The following SOX5 variants were observed in gnomAD, a reference collection of about 807,000 sequenced individuals.
SOX5 encodes the protein transcription factor SOX-5.
In SOX5, 9 loss-of-function variants were observed where a neutral mutation model predicts 92.0. That is an observed-to-expected ratio of 0.10 (90% confidence interval 0.06 to 0.17). The LOEUF (loss-of-function observed/expected upper bound fraction) is 0.17. Among genes scored for constraint, SOX5 ranks in the 10% least tolerant of loss-of-function variants. SOX5 has a pLI of 1.00. For missense variants in SOX5, 642 were observed against 944.5 expected (o/e 0.68, Z 4.20); for synonymous variants, 344 against 336.3 (o/e 1.02, Z -0.25).
At chr12:24,319,282 C>T (rs1002226447) in intron 2 of SOX5, among the ~76,000 whole-genome samples, 1 of 152,202 alleles carries the variant, frequency 6.6e-6, no homozygotes, top group Admixed American at 6.5e-5. Flanking sequence ...GACATATTCT[C>T]TCCCTTTCCC....
Position 23,825,096 on chromosome 12 carries a change from T to A in SOX5, c.481+20887A>T, listed in dbSNP as rs568104621. ...GCTTCAGCCCCCTTTCCAGGGGGAG[T>A]GAACGGTTCTGTCTCTCTGGCATTC... is the stretch of plus-strand genomic sequence containing the variant. On this transcript the variant is annotated intron_variant, in intron 3 of 14. Coordinates refer to ENST00000451604, the MANE Select transcript of SOX5 (RefSeq NM_006940.6). 1.3e-3 allele frequency among the ~76,000 whole-genome samples: 190 copies of A among 150,794 alleles called. 1 individual carries two copies. Among genetic ancestry groups the A allele is most frequent in the Non-Finnish European group, 2.3e-3 (155 of 67,684 alleles).
intron 10 of SOX5, among the ~76,000 whole-genome samples, chr12:23,564,025 GA>G (rs1946658305): frequency 6.6e-6 from 1 of 152,152 alleles, no homozygotes; most frequent in Non-Finnish European, 1.5e-5. Flanking sequence ...TTCAAGCACA[GA>G]ATGTAACCAA....
chr12:24,123,253 C>A (rs1948799008), intron 4 of SOX5, among the ~76,000 whole-genome samples: 1 of 151,984 alleles, frequency 6.6e-6, no homozygotes, highest in South Asian at 2.1e-4. Flanking sequence ...TTCTATCCAC[C>A]AATGCTAATA....
At chr12:24,175,559 T>C (rs139728485) in intron 4 of SOX5, among the ~76,000 whole-genome samples, 1 of 152,336 alleles carries the variant, frequency 6.6e-6, no homozygotes, top group African/African-American at 2.4e-5. Context: ...GGTTATAAAA[T>C]GCCACTTATA....
intron 3 of SOX5, among the ~76,000 whole-genome samples, chr12:23,801,704 A>G (rs2095662206): frequency 6.6e-6 from 1 of 152,182 alleles, no homozygotes; most frequent in Admixed American, 6.5e-5. Flanking sequence ...TTTTTCAGTT[A>G]AGTACTATTA....
At chr12:23,701,247 A>T (rs1298288211) in intron 6 of SOX5, among the ~76,000 whole-genome samples, 2 of 152,064 alleles carry the variant, frequency 1.3e-5, no homozygotes, top group African/African-American at 4.8e-5. Context: ...GTGTGCCAAT[A>T]TCTATGGCAC....
intron 3 of SOX5, among the ~76,000 whole-genome samples, chr12:23,783,500 T>A (rs144997310): frequency 5.9e-5 from 9 of 152,296 alleles, no homozygotes; most frequent in African/African-American, 2.2e-4. Context: ...TTTGACCATG[T>A]GCTGAGGAAT....
At chr12:23,684,119 C>T (rs1261519753) in intron 6 of SOX5, among the ~76,000 whole-genome samples, 2 of 151,966 alleles carry the variant, frequency 1.3e-5, no homozygotes, top group African/African-American at 4.8e-5. Flanking sequence ...TCTCTTTTAA[C>T]TAGAAATGTG....
chr12:23,616,311 T>C (rs746300602), intron 8 of SOX5, among the ~76,000 whole-genome samples: 2 of 152,188 alleles, frequency 1.3e-5, no homozygotes, highest in Non-Finnish European at 2.9e-5. Flanking sequence ...TCCTAAGTGG[T>C]TAATCCACAG....
intron 4 of SOX5, among the ~76,000 whole-genome samples, chr12:24,126,273 C>T (rs1011848076): frequency 1.2e-4 from 19 of 152,268 alleles, no homozygotes; most frequent in East Asian, 7.7e-4. Flanking sequence ...CATGTCCCAA[C>T]GCCCACTTAA....
At chr12:23,597,167 T>A (rs1330812424) in intron 9 of SOX5, among the ~76,000 whole-genome samples, 1 of 152,242 alleles carries the variant, frequency 6.6e-6, no homozygotes, top group Non-Finnish European at 1.5e-5. Context: ...CCATGCTGTG[T>A]GCATGAGACA....
At chr12:24,051,979 C>T (rs1437781099) in intron 4 of SOX5, among the ~76,000 whole-genome samples, 2 of 152,178 alleles carry the variant, frequency 1.3e-5, no homozygotes, top group African/African-American at 4.8e-5. Context: ...GTTCTCCGGC[C>T]TCATCTTATT....
At chr12:23,778,504 G>T (rs2095177238) in intron 3 of SOX5, among the ~76,000 whole-genome samples, 1 of 152,154 alleles carries the variant, frequency 6.6e-6, no homozygotes, top group Admixed American at 6.5e-5. Flanking sequence ...ATATGTGTAG[G>T]GCATAAAATG....
intron 4 of SOX5, among the ~76,000 whole-genome samples, chr12:24,155,498 C>T (rs1181171366): frequency 1.3e-5 from 2 of 151,952 alleles, no homozygotes; most frequent in African/African-American, 2.4e-5. Context: ...GTTGCTCCCA[C>T]GAAAAAAACC....
At chr12:24,054,944 G>A (rs1354191788) in intron 4 of SOX5, among the ~76,000 whole-genome samples, 10 of 152,164 alleles carry the variant, frequency 6.6e-5, no homozygotes, top group Admixed American at 5.9e-4. Flanking sequence ...TGGAAACTGA[G>A]CAAATGAGGA....
intron 4 of SOX5, among the ~76,000 whole-genome samples, chr12:24,166,989 C>G (rs1330896941): frequency 6.6e-6 from 1 of 152,056 alleles, no homozygotes; most frequent in Non-Finnish European, 1.5e-5. Flanking sequence ...TGAGTGAATA[C>G]AAAAGAGGAA....
At chr12:24,212,986 T>C (rs935865378) in intron 4 of SOX5, among the ~76,000 whole-genome samples, 1 of 152,154 alleles carries the variant, frequency 6.6e-6, no homozygotes, top group Non-Finnish European at 1.5e-5. Context: ...ATTAACATTC[T>C]ACATGTTTTA....
chr12:24,324,990 A>T (rs1950544198), intron 2 of SOX5, among the ~76,000 whole-genome samples: 2 of 152,260 alleles, frequency 1.3e-5, no homozygotes, highest in South Asian at 4.1e-4. Flanking sequence ...TAATAAACAT[A>T]TGAGGCACCA....
chr12:24,267,163 T>A (rs1443004482), intron 3 of SOX5, among the ~76,000 whole-genome samples: 2 of 152,126 alleles, frequency 1.3e-5, no homozygotes, highest in Non-Finnish European at 2.9e-5. Flanking sequence ...GAGATCAAGG[T>A]TGCAGTGAGC....
Sources: gnomAD v4.1 joint callset for allele counts (sites outside exome capture counted in the v4.1 genomes callset) on GRCh38, gnomAD v4.1.1 for gene constraint, MANE v1.5 for transcripts, NCBI Gene and HGNC (gene_info 2026-07-23, HGNC 2026-07-21) for gene names.